The following RMDN1 variants were observed in gnomAD, a reference collection of about 807,000 sequenced individuals.
RMDN1 encodes the protein regulator of microtubule dynamics 1.
RMDN1 carries 48 observed loss-of-function variants against 48.9 expected under a neutral mutation model. The ratio of observed to expected loss-of-function variants is 0.98; its 90% CI spans 0.78 to 1.25. The LOEUF is 1.25. Ranked by LOEUF, RMDN1 falls within the 50% of genes most tolerant of loss-of-function variation. RMDN1 has a pLI of 0.00. For missense variants in RMDN1, 418 were observed against 373.4 expected (o/e 1.12, Z -0.98); for synonymous variants, 148 against 132.6 (o/e 1.12, Z -0.80).
intron 2 of RMDN1, among the ~76,000 whole-genome samples, chr8:86,502,911 C>G (rs1336716955): frequency 6.6e-6 from 1 of 152,104 alleles, no homozygotes; most frequent in Admixed American, 6.5e-5. Flanking sequence ...GTTAAGGGCT[C>G]TACAAAAATA....
chr8:86,480,387 C>T (rs925189979), intron 5 of RMDN1, 55 bp from the exon 6 acceptor site: 9 of 982,092 alleles, frequency 9.2e-6, no homozygotes, highest in African/African-American at 1.6e-5. Flanking sequence ...CCAATAAGTG[C>T]TTTACTGTGT....
At chr8:86,498,296 C>G (rs1006164795) in intron 2 of RMDN1, among the ~76,000 whole-genome samples, 2 of 150,914 alleles carry the variant, frequency 1.3e-5, no homozygotes, top group Non-Finnish European at 2.9e-5. Flanking sequence ...AAGCCCTGGA[C>G]TAGATGGAGT....
intron 2 of RMDN1, among the ~76,000 whole-genome samples, chr8:86,492,651 TTAA>T (rs71574272): frequency 0.15 from 20,924 of 144,026 alleles, 1,610 homozygotes; most frequent in Admixed American, 0.24. Flanking sequence ...AGACTCCGCC[TTAA>T]TAATAATAAT....
At chr8:86,486,760 T>A in intron 3 of RMDN1, 117 bp from the exon 4 acceptor site, 1 of 623,920 alleles carries the variant, frequency 1.6e-6, no homozygotes, top group Non-Finnish European at 2.4e-6. Context: ...CAACATGATA[T>A]CAAAAGCCAT....
chr8:86,496,896 C>G (rs1817461592), intron 2 of RMDN1, among the ~76,000 whole-genome samples: 1 of 151,788 alleles, frequency 6.6e-6, no homozygotes, highest in African/African-American at 2.4e-5. Flanking sequence ...GGCCATAAAG[C>G]AATTCTGAAC....
intron 5 of RMDN1, among the ~76,000 whole-genome samples, chr8:86,481,428 T>C (rs75972481): frequency 1.4e-3 from 217 of 152,240 alleles, no homozygotes; most frequent in African/African-American, 5.0e-3. Flanking sequence ...TACAAAAAAA[T>C]TGTGTAAGTA....
chr8:86,506,939 TG>T, intron 2 of RMDN1, 55 bp downstream of exon 2: 1 of 848,116 alleles, frequency 1.2e-6, no homozygotes, highest in East Asian at 2.4e-5. Context: ...ATAAAAATTC[TG>T]AATGTACGCA....
chr8:86,469,168 T>G (rs539572946), downstream of RMDN1, among the ~76,000 whole-genome samples: 106 of 144,200 alleles, frequency 7.4e-4, no homozygotes, highest in Non-Finnish European at 1.3e-3. Flanking sequence ...CCAGTGTTTT[T>G]TTTGTTTGTT....
chr8:86,508,336 G>C, intron 1 of RMDN1, 156 bp downstream of exon 1: 1 of 754,384 alleles, frequency 1.3e-6, no homozygotes, highest in Non-Finnish European at 2.0e-6. Flanking sequence ...AAAATGGAAG[G>C]GACCTGTCCG....
chr8:86,473,275 A>C lies in RMDN1; in HGVS notation c.*1033T>G, dbSNP rs1812828494. On this transcript the variant is annotated 3_prime_UTR_variant, in exon 10 of 10. Coordinates refer to ENST00000406452, the MANE Select transcript of RMDN1 (RefSeq NM_016033.3). ...GTCTGTCTTTATCTAAGTGGATTCA[A>C]GATGCTCCTTTTTACAAAACTTAAA... The C allele has an allele frequency of 1.0e-6, 1 of 985,316 alleles. No individual in the cohort carries two copies. The highest frequency in any genetic ancestry group is 1.2e-6 in the Non-Finnish European group (1 of 829,926). The allele number at this position is 985,316 out of a possible 1,614,324, so 61.0% of individuals were successfully genotyped here. A position where few individuals can be genotyped will look rare whatever the true frequency, so the allele number is the denominator to read the frequency against.
At chr8:86,511,825 A>G (rs1237415202), upstream of RMDN1, among the ~76,000 whole-genome samples, 1 of 145,036 alleles carries the variant, frequency 6.9e-6, no homozygotes, top group Non-Finnish European at 1.5e-5. Flanking sequence ...TCAAAAAAAA[A>G]AAAAGAAAAA....
downstream of RMDN1, among the ~76,000 whole-genome samples, chr8:86,469,790 G>A (rs1213313693): frequency 6.6e-6 from 1 of 152,158 alleles, no homozygotes; most frequent in Non-Finnish European, 1.5e-5. Flanking sequence ...GTCCAAAAGT[G>A]ACATCTCCTA....
At chr8:86,472,301 A>G, downstream of RMDN1, 2 of 624,894 alleles carry the variant, frequency 3.2e-6, no homozygotes, top group Non-Finnish European at 5.7e-6. Context: ...ATGATGCTAC[A>G]GGTAGAAAAT....
upstream of RMDN1, among the ~76,000 whole-genome samples, chr8:86,513,103 G>T (rs1315801498): frequency 6.6e-6 from 1 of 151,462 alleles, no homozygotes; most frequent in Non-Finnish European, 1.5e-5. Flanking sequence ...GGCCAGGCAC[G>T]GTGGCTCACA....
At chr8:86,510,312 T>C (rs750333937), upstream of RMDN1, among the ~76,000 whole-genome samples, 3 of 152,234 alleles carry the variant, frequency 2.0e-5, no homozygotes, top group Admixed American at 6.5e-5. Context: ...GACAGAATAC[T>C]ATTATTTAAT....
chr8:86,503,371 C>CAAAACAAAAA (rs1818635358), intron 2 of RMDN1, among the ~76,000 whole-genome samples: 4 of 68,000 alleles, frequency 5.9e-5, no homozygotes, highest in Admixed American at 1.5e-4. Flanking sequence ...CAAAACAAAA[C>CAAAACAAAAA]AAAAAAAAAA....
intron 5 of RMDN1, chr8:86,482,545 A>C (rs970678511): frequency 1.4e-6 from 1 of 726,268 alleles, no homozygotes; most frequent in East Asian, 2.6e-5. Context: ...AGTGAATGTC[A>C]TCTTCTTGCC....
At chr8:86,498,043 C>T (rs1817653062) in intron 2 of RMDN1, among the ~76,000 whole-genome samples, 1 of 152,152 alleles carries the variant, frequency 6.6e-6, no homozygotes, top group Admixed American at 6.5e-5. Flanking sequence ...CTGCAGTGAG[C>T]CGAGATCGTG....
chr8:86,507,004 T>G lies in RMDN1; in HGVS notation c.238A>C (p.Thr80Pro). Residue 80 changes from threonine (T) to proline (P), a missense_variant, in exon 2 of 10, where the codon ACA (threonine) becomes CCA (proline). Physicochemically the swap from Thr to Pro is conservative, Grantham distance 38 (BLOSUM62 -1). Transcript: ENST00000406452. ...TCTAATTTATGCTTACCTTTGGCTG[T>G]GGCATGAACCACAGCAGCCTGAGAG... ...VISQAAVVHA[T>P]AKVEEILEQA... 6.3e-7 allele frequency: 1 copy of G among 1,587,186 alleles called. No homozygotes were observed. The highest frequency in any genetic ancestry group is 8.6e-7 in the Non-Finnish European group (1 of 1,156,108).
Sources: gnomAD v4.1 joint callset for allele counts (sites outside exome capture counted in the v4.1 genomes callset) on GRCh38, gnomAD v4.1.1 for gene constraint, MANE v1.5 for transcripts, NCBI Gene and HGNC (gene_info 2026-07-23, HGNC 2026-07-21) for gene names.